The following TNFRSF19 variants were observed in gnomAD, a reference collection of about 807,000 sequenced individuals.
TNFRSF19 encodes TNF receptor superfamily member 19, also known as tumor necrosis factor receptor superfamily member 19.
Under a neutral mutation model 46.4 loss-of-function variants are expected in TNFRSF19, and 27 were observed. That is an observed-to-expected ratio of 0.58 (90% CI 0.43 to 0.80). TNFRSF19 has a LOEUF of 0.80. Among genes scored for constraint, TNFRSF19 ranks in the 30% least tolerant of loss-of-function variants. The pLI is 0.00. For synonymous variants in TNFRSF19, 204 were observed against 205.0 expected (o/e 1.00, Z 0.04); for missense variants, 511 against 530.8 (o/e 0.96, Z 0.37).
chr13:23,664,709 C>T (rs1365995836), intron 7 of TNFRSF19, among the ~76,000 whole-genome samples: 1 of 152,212 alleles, frequency 6.6e-6, no homozygotes, highest in Non-Finnish European at 1.5e-5. Context: ...GTTGTATATA[C>T]AGCCATGCAT....
chr13:23,625,733 G>T (rs1043867146), intron 4 of TNFRSF19, among the ~76,000 whole-genome samples: 1 of 152,002 alleles, frequency 6.6e-6, no homozygotes, highest in Admixed American at 6.6e-5. Flanking sequence ...TTGAGTTCTA[G>T]TGACAGATTG....
At chr13:23,594,971 C>G (rs1879609259) in intron 3 of TNFRSF19, among the ~76,000 whole-genome samples, 1 of 152,326 alleles carries the variant, frequency 6.6e-6, no homozygotes, top group East Asian at 1.9e-4. Flanking sequence ...CCCAGGCAAA[C>G]AGGGTCTGGA....
chr13:23,599,386 G>T (rs1402076043), intron 3 of TNFRSF19, among the ~76,000 whole-genome samples: 2 of 152,190 alleles, frequency 1.3e-5, no homozygotes, highest in African/African-American at 4.8e-5. Context: ...GTGACCAGTG[G>T]CCCATGACAC....
chr13:23,585,986 T>G (rs899056255), intron 1 of TNFRSF19, among the ~76,000 whole-genome samples: 10 of 152,232 alleles, frequency 6.6e-5, no homozygotes, highest in East Asian at 3.9e-4. Flanking sequence ...AGAAAATAAA[T>G]GTAGCCGGGC....
At chr13:23,650,193 C>A (rs1458161612) in intron 5 of TNFRSF19, among the ~76,000 whole-genome samples, 1 of 152,166 alleles carries the variant, frequency 6.6e-6, no homozygotes, top group Admixed American at 6.5e-5. Flanking sequence ...TTAACATAAT[C>A]TTTAGTGTAA....
chr13:23,667,120 G>GATACATATAT (rs1491534144), intron 7 of TNFRSF19, among the ~76,000 whole-genome samples: 1 of 87,682 alleles, frequency 1.1e-5, no homozygotes, highest in East Asian at 2.8e-4. Flanking sequence ...AAATCAGAGT[G>GATACATATAT]ATATATATAT....
At chr13:23,629,272 C>T (rs1882204189) in intron 5 of TNFRSF19, among the ~76,000 whole-genome samples, 2 of 152,156 alleles carry the variant, frequency 1.3e-5, no homozygotes, top group Non-Finnish European at 2.9e-5. Context: ...CTCTCTGGAA[C>T]CAGGAGTAGC....
intron 5 of TNFRSF19, among the ~76,000 whole-genome samples, chr13:23,644,562 A>G (rs916780409): frequency 1.3e-5 from 2 of 152,188 alleles, no homozygotes; most frequent in Non-Finnish European, 2.9e-5. Flanking sequence ...TAAATTACCC[A>G]GTCTCAGATT....
chr13:23,626,945 C>T (rs928871924), intron 5 of TNFRSF19, among the ~76,000 whole-genome samples, 153 bp downstream of exon 5: 1 of 152,204 alleles, frequency 6.6e-6, no homozygotes, highest in Non-Finnish European at 1.5e-5. Context: ...TCTGGCAGGA[C>T]AGAAAGTCCC....
Position 23,659,107 on chromosome 13 carries a change from C to A in TNFRSF19, c.503C>A (p.Thr168Lys). 1 of 1,613,932 alleles carries A rather than the reference C, an allele frequency of 6.2e-7. No homozygotes were observed. Among genetic ancestry groups the A allele is most frequent in the Non-Finnish European group, 8.5e-7 (1 of 1,180,040 alleles). ...TCCACGGCCTCCAGCCCACGGGACA[C>A]GGCGCTGGCTGCCGTTATCTGCAGC... ...IASTASSPRDTALAAVICSAL... is the reference protein window; with the variant it reads ...IASTASSPRDKALAAVICSAL... Residue 168 changes from threonine to lysine, a missense_variant, in exon 6 of 10, where the codon ACG becomes AAG. Thr to Lys is a moderately conservative substitution (Grantham distance 78). Transcript: ENST00000248484. This position sits in a 1 kb window ranked among gnomAD's most constrained non-coding sequence, Gnocchi z 4.9.
intron 3 of TNFRSF19, among the ~76,000 whole-genome samples, chr13:23,595,485 C>G (rs1428312930): frequency 2.6e-5 from 4 of 152,090 alleles, no homozygotes; most frequent in African/African-American, 9.7e-5. Context: ...ATAGCTGAAT[C>G]AATCAGGCAG....
intron 7 of TNFRSF19, among the ~76,000 whole-genome samples, chr13:23,660,765 AT>A (rs1884314120): frequency 6.6e-6 from 1 of 152,174 alleles, no homozygotes; most frequent in Non-Finnish European, 1.5e-5. Flanking sequence ...GAGTCAGTTT[AT>A]TTAAAATCAC....
chr13:23,585,073 T>C lies in TNFRSF19; in HGVS notation c.-34-5077T>C, dbSNP rs551525303. Among the ~76,000 whole-genome samples, 13 of 152,376 alleles carry C rather than the reference T, an allele frequency of 8.5e-5. No individual in the cohort carries two copies. The East Asian group carries it at 1.2e-3, about 14-fold the overall frequency. On this transcript the variant is annotated intron_variant, in intron 1 of 9. Coordinates refer to ENST00000248484, the MANE Select transcript of TNFRSF19 (RefSeq NM_148957.4). ...AATGTCAAAGGCTGTATTTATAGCA[T>C]TGGCTTTATTTCAGTGCTGATTTAT...
At position 23,673,586 on chromosome 13, in the gene TNFRSF19, A is replaced by G. The variant is rs1951788876; in HGVS notation, c.*206A>G. ...CTGAAACCTCAATGAATAACAAGAAAAGACTCCAGGCCGACTCATGATACT... is the reference window on the plus strand; with the variant it reads ...CTGAAACCTCAATGAATAACAAGAAGAGACTCCAGGCCGACTCATGATACT... On this transcript the variant is annotated 3_prime_UTR_variant, in exon 10 of 10. Transcript: ENST00000248484. The G allele has an allele frequency of 1.0e-5, 13 of 1,248,550 alleles. No homozygotes were observed. The Admixed American group carries it at 4.1e-4, about 40-fold the overall frequency. 77.3% of individuals were successfully genotyped at this position (1,248,550 alleles called of 1,614,324 possible).
chr13:23,581,575 A>T (rs1056619456), intron 1 of TNFRSF19, among the ~76,000 whole-genome samples: 23 of 152,180 alleles, frequency 1.5e-4, no homozygotes, highest in African/African-American at 5.3e-4. Flanking sequence ...GGCTTTTTAC[A>T]TATATTTTAT....
chr13:23,611,974 C>G (rs935015168), intron 3 of TNFRSF19, among the ~76,000 whole-genome samples: 6 of 152,178 alleles, frequency 3.9e-5, no homozygotes, highest in Admixed American at 3.3e-4. Flanking sequence ...AATACATGCA[C>G]TCACGCTAGG....
intron 5 of TNFRSF19, among the ~76,000 whole-genome samples, chr13:23,638,390 A>G (rs941227013): frequency 6.6e-6 from 1 of 152,240 alleles, no homozygotes; most frequent in Non-Finnish European, 1.5e-5. Flanking sequence ...TTGCTCCGGC[A>G]TAATGGGGTG....
chr13:23,667,487 G>A (rs1951661728), intron 7 of TNFRSF19, among the ~76,000 whole-genome samples: 1 of 152,176 alleles, frequency 6.6e-6, no homozygotes, highest in Admixed American at 6.5e-5. Context: ...CCTGTCCTCA[G>A]TGGGGCCAAG....
chr13:23,621,128 G>A (rs1183910506), intron 4 of TNFRSF19, among the ~76,000 whole-genome samples: 2 of 152,112 alleles, frequency 1.3e-5, no homozygotes, highest in Admixed American at 6.5e-5. Flanking sequence ...CCGTCCGTGT[G>A]TGCTGTGTGC....
Sources: gnomAD v4.1 joint callset for allele counts (sites outside exome capture counted in the v4.1 genomes callset) on GRCh38, gnomAD v4.1.1 for gene constraint, Gnocchi (gnomAD v3.1) non-coding constraint, MANE v1.5 for transcripts, NCBI Gene and HGNC (gene_info 2026-07-23, HGNC 2026-07-21) for gene names.